Variants in KCNIP4 observed in about 807,000 individuals in gnomAD.
The protein encoded by KCNIP4 is Kv channel-interacting protein 4.
Under a neutral mutation model 34.0 loss-of-function variants are expected in KCNIP4, and 12 were observed. The ratio of observed to expected loss-of-function variants is 0.35; its 90% CI spans 0.23 to 0.57. KCNIP4 has a LOEUF of 0.57. Ranked by LOEUF, KCNIP4 falls within the 20% of genes least tolerant of loss-of-function variation. The pLI is 0.83. For synonymous variants in KCNIP4, 124 were observed against 102.2 expected (o/e 1.21, Z -1.29); for missense variants, 238 against 311.7 (o/e 0.76, Z 1.78).
chr4:21,553,940 G>A (rs1020327697), intron 1 of KCNIP4, among the ~76,000 whole-genome samples: 2 of 152,032 alleles, frequency 1.3e-5, no homozygotes, highest in East Asian at 3.9e-4. Context: ...GTTTTCTCAG[G>A]CTTAAGAGAG....
At chr4:21,744,619 G>A (rs1292031256) in intron 1 of KCNIP4, among the ~76,000 whole-genome samples, 1 of 152,070 alleles carries the variant, frequency 6.6e-6, no homozygotes, top group African/African-American at 2.4e-5. Context: ...GTGATGCCTG[G>A]GCCATCCAGG....
At chr4:21,765,557 C>T (rs1466135842) in intron 1 of KCNIP4, among the ~76,000 whole-genome samples, 1 of 151,954 alleles carries the variant, frequency 6.6e-6, no homozygotes, top group East Asian at 1.9e-4. Context: ...GACATGGAAT[C>T]AGGATGGTGA....
At chr4:21,460,948 A>G (rs978603507) in intron 1 of KCNIP4, among the ~76,000 whole-genome samples, 6 of 152,080 alleles carry the variant, frequency 3.9e-5, no homozygotes, top group Non-Finnish European at 5.9e-5. Flanking sequence ...ATTGTCTGCA[A>G]TAAGAGAAAT....
intron 1 of KCNIP4, among the ~76,000 whole-genome samples, chr4:21,108,237 C>T (rs1748772065): frequency 6.7e-6 from 1 of 148,716 alleles, no homozygotes; most frequent in Admixed American, 6.7e-5. Context: ...TTCAGGTACA[C>T]CAATCAGACG....
intron 1 of KCNIP4, among the ~76,000 whole-genome samples, chr4:21,542,500 A>G (rs1316829920): frequency 1.3e-5 from 2 of 152,094 alleles, no homozygotes; most frequent in African/African-American, 4.8e-5. Context: ...ATAGCGAAAA[A>G]TATAAAGCTC....
At chr4:21,496,075 AC>A (rs1732826023) in intron 1 of KCNIP4, among the ~76,000 whole-genome samples, 1 of 152,220 alleles carries the variant, frequency 6.6e-6, no homozygotes, top group South Asian at 2.1e-4. Context: ...AAATATTAAA[AC>A]AGATTTCAAG....
intron 1 of KCNIP4, chr4:21,845,479 T>C (rs1291654536): frequency 1.3e-5 from 2 of 152,206 alleles, no homozygotes; most frequent in East Asian, 1.9e-4. Flanking sequence ...ATTTGGCCCA[T>C]TTGCTTACCT....
intron 1 of KCNIP4, among the ~76,000 whole-genome samples, chr4:21,298,592 C>T (rs540867565): frequency 2.0e-5 from 3 of 152,032 alleles, no homozygotes; most frequent in South Asian, 2.1e-4. Flanking sequence ...CAAAACAGAT[C>T]GACTCTCAGT....
intron 1 of KCNIP4, among the ~76,000 whole-genome samples, chr4:21,254,466 A>G (rs1253843549): frequency 2.0e-5 from 3 of 152,206 alleles, no homozygotes; most frequent in Admixed American, 6.5e-5. Context: ...ATCTCATAGG[A>G]GTAATAGGGC....
In KCNIP4 at chr4:21,419,449, C is replaced by T. The variant is rs114395428; in HGVS notation, c.61+529122G>A. On this transcript the variant is annotated intron_variant, in intron 1 of 8. Transcript: ENST00000382152. ...GAGTTAGGGAGGCCAAATTTAATAT[C>T]GCCTCTATTATTAAGCTACTTGATT... Among the ~76,000 whole-genome samples, 639 of 152,118 alleles carry T rather than the reference C, an allele frequency of 4.2e-3. 7 individuals carry two copies. The highest frequency in any genetic ancestry group is 0.015 in the African/African-American group (618 of 41,504).
At chr4:21,144,341 T>G (rs1752196227) in intron 1 of KCNIP4, among the ~76,000 whole-genome samples, 1 of 152,212 alleles carries the variant, frequency 6.6e-6, no homozygotes, top group South Asian at 2.1e-4. Context: ...TATTTTACCC[T>G]TTTATAAAAC....
intron 1 of KCNIP4, among the ~76,000 whole-genome samples, chr4:21,376,440 C>A (rs1720967180): frequency 6.6e-6 from 1 of 152,140 alleles, no homozygotes; most frequent in African/African-American, 2.4e-5. Context: ...TTAAACATAG[C>A]CAGATCTTTC....
intron 1 of KCNIP4, among the ~76,000 whole-genome samples, chr4:21,782,016 G>A (rs1476816867): frequency 1.4e-5 from 2 of 147,150 alleles, no homozygotes; most frequent in Non-Finnish European, 3.0e-5. Flanking sequence ...CCCAAAGAAA[G>A]GCAGAGAAAA....
intron 1 of KCNIP4, among the ~76,000 whole-genome samples, chr4:21,179,217 A>G (rs6845961): frequency 6.6e-6 from 1 of 152,094 alleles, no homozygotes; most frequent in South Asian, 2.1e-4. Context: ...CTTTTGCCCA[A>G]CTCATTTGAC....
chr4:21,851,198 G>A (rs1350560959), intron 1 of KCNIP4: 1 of 152,076 alleles, frequency 6.6e-6, no homozygotes, highest in African/African-American at 2.4e-5. Context: ...GAGGAGAGGG[G>A]TTAAGCTAGG....
chr4:20,775,731 G>T (rs1251843432), intron 3 of KCNIP4, among the ~76,000 whole-genome samples: 2 of 151,922 alleles, frequency 1.3e-5, no homozygotes, highest in African/African-American at 4.8e-5. Flanking sequence ...AAAGAATAAT[G>T]ATGATTGTTT....
At chr4:21,097,892 T>C (rs1194214068) in intron 1 of KCNIP4, among the ~76,000 whole-genome samples, 2 of 152,190 alleles carry the variant, frequency 1.3e-5, no homozygotes, top group African/African-American at 2.4e-5. Flanking sequence ...AAAGCCAAGA[T>C]AGGCCAAAAG....
At chr4:21,907,142 TG>T (rs1399658250) in intron 1 of KCNIP4, among the ~76,000 whole-genome samples, 1 of 152,112 alleles carries the variant, frequency 6.6e-6, no homozygotes, top group Non-Finnish European at 1.5e-5. Flanking sequence ...CAATGTTGGC[TG>T]GTGGGTTGTT....
At chr4:21,172,823 G>A (rs894466681) in intron 1 of KCNIP4, among the ~76,000 whole-genome samples, 33 of 152,128 alleles carry the variant, frequency 2.2e-4, no homozygotes, top group Admixed American at 2.2e-3. Flanking sequence ...AGGCTTCCCA[G>A]GTATCATACA....
Sources: gnomAD v4.1 joint callset for allele counts (sites outside exome capture counted in the v4.1 genomes callset) on GRCh38, gnomAD v4.1.1 for gene constraint, MANE v1.5 for transcripts, NCBI Gene and HGNC (gene_info 2026-07-23, HGNC 2026-07-21) for gene names.